PPM1E: variants seen among roughly 807,000 people sequenced by gnomAD.
PPM1E encodes the protein protein phosphatase, Mg2+/Mn2+ dependent 1E.
Under a neutral mutation model 65.9 loss-of-function variants are expected in PPM1E, and 20 were observed. That is an observed-to-expected ratio of 0.30 (90% CI 0.21 to 0.44). PPM1E has a LOEUF of 0.44. Ranked by LOEUF, PPM1E falls within the 20% of genes least tolerant of loss-of-function variation. The pLI, the probability that PPM1E is intolerant of heterozygous loss-of-function variation, is 1.00. For synonymous variants in PPM1E, 352 were observed against 374.9 expected (o/e 0.94, Z 0.70); for missense variants, 713 against 953.1 (o/e 0.75, Z 3.32).
At chr17:58,972,989 TC>T in intron 6 of PPM1E, 64 bp downstream of exon 6, 49 of 1,088,714 alleles carry the variant, frequency 4.5e-5, no homozygotes, top group Non-Finnish European at 6.3e-5. Context: ...CTGTATCAAC[TC>T]TGATACAGGG....
At chr17:58,777,479 A>G (rs1357734584) in intron 1 of PPM1E, among the ~76,000 whole-genome samples, 1 of 152,190 alleles carries the variant, frequency 6.6e-6, no homozygotes, top group East Asian at 1.9e-4. Flanking sequence ...ATCACTTTTT[A>G]TAAACAAAAT....
intron 1 of PPM1E, among the ~76,000 whole-genome samples, chr17:58,912,066 A>G (rs1265147513): frequency 6.6e-6 from 1 of 152,142 alleles, no homozygotes; most frequent in Non-Finnish European, 1.5e-5. Flanking sequence ...GAACTGTACA[A>G]TCTAAGCTGA....
chr17:58,966,418 T>TA (rs55779609), intron 3 of PPM1E: 3,308 of 122,104 alleles, frequency 0.027, 38 homozygotes, highest in African/African-American at 0.043. Flanking sequence ...AGCAGTTTTG[T>TA]AAAAAAAAAA....
chr17:58,800,870 C>T (rs1419145576), intron 1 of PPM1E, among the ~76,000 whole-genome samples: 1 of 152,032 alleles, frequency 6.6e-6, no homozygotes, highest in Non-Finnish European at 1.5e-5. Context: ...CTGATCTTTT[C>T]AAAGAACCAA....
intron 1 of PPM1E, among the ~76,000 whole-genome samples, chr17:58,889,636 A>G (rs1598631768): frequency 1.3e-5 from 2 of 152,154 alleles, no homozygotes; most frequent in East Asian, 3.9e-4. Flanking sequence ...TTTCTACTGC[A>G]GTTTTTACCA....
intron 1 of PPM1E, among the ~76,000 whole-genome samples, chr17:58,903,104 G>T (rs1189204342): frequency 6.6e-6 from 1 of 152,120 alleles, no homozygotes; most frequent in Non-Finnish European, 1.5e-5. Context: ...TAGGAGATGG[G>T]CCCACTTGTC....
chr17:58,781,708 G>A (rs1402604053), intron 1 of PPM1E, among the ~76,000 whole-genome samples: 18 of 151,322 alleles, frequency 1.2e-4, no homozygotes, highest in South Asian at 2.1e-4. Context: ...CCATACCAGC[G>A]AAACCCCGTC....
At chr17:58,960,779 A>G (rs1347811023) in intron 2 of PPM1E, among the ~76,000 whole-genome samples, 1 of 151,598 alleles carries the variant, frequency 6.6e-6, no homozygotes, top group Non-Finnish European at 1.5e-5. Context: ...AAAAAAAAAA[A>G]AAGAAAAATA....
chr17:58,888,212 A>C (rs2051300507), intron 1 of PPM1E, among the ~76,000 whole-genome samples: 1 of 152,204 alleles, frequency 6.6e-6, no homozygotes, highest in South Asian at 2.1e-4. Context: ...GGAAGATACA[A>C]ATTTAAGCAT....
intron 1 of PPM1E, among the ~76,000 whole-genome samples, chr17:58,912,082 G>T (rs1312868714): frequency 6.6e-6 from 1 of 152,152 alleles, no homozygotes; most frequent in Non-Finnish European, 1.5e-5. Context: ...GCTGACCCTG[G>T]TTGGCTAAGA....
intron 1 of PPM1E, among the ~76,000 whole-genome samples, chr17:58,947,485 C>T (rs2143621426): frequency 6.6e-6 from 1 of 151,538 alleles, no homozygotes; most frequent in South Asian, 2.1e-4. Context: ...GATCCACCCA[C>T]CTTGGCCTCC....
chr17:58,791,374 A>G (rs2050156675), intron 1 of PPM1E, among the ~76,000 whole-genome samples: 2 of 152,138 alleles, frequency 1.3e-5, no homozygotes, highest in South Asian at 4.1e-4. Flanking sequence ...GCAACATACA[A>G]TTGTTTAATA....
intron 1 of PPM1E, among the ~76,000 whole-genome samples, chr17:58,905,704 A>G (rs1247742818): frequency 1.3e-5 from 2 of 152,112 alleles, no homozygotes; most frequent in African/African-American, 4.8e-5. Flanking sequence ...TGGGCATTAA[A>G]GTAATGGTAG....
intron 1 of PPM1E, among the ~76,000 whole-genome samples, chr17:58,906,407 G>A (rs1347271510): frequency 6.6e-6 from 1 of 152,060 alleles, no homozygotes; most frequent in Non-Finnish European, 1.5e-5. Flanking sequence ...GGCACTGCCA[G>A]GGCTCACTGC....
chr17:58,877,434 A>G (rs543499341), intron 1 of PPM1E, among the ~76,000 whole-genome samples: 47 of 152,356 alleles, frequency 3.1e-4, no homozygotes, highest in Non-Finnish European at 5.7e-4. Flanking sequence ...ACATCTTTAC[A>G]AAGATTTATA....
intron 2 of PPM1E, among the ~76,000 whole-genome samples, chr17:58,959,292 A>G (rs2029952567): frequency 7.7e-6 from 1 of 129,646 alleles, no homozygotes; most frequent in Non-Finnish European, 1.6e-5. Context: ...CTGGGCAACA[A>G]GAGTGAGACT....
chr17:58,845,297 TG>T (rs1357896271), intron 1 of PPM1E, among the ~76,000 whole-genome samples: 10 of 150,732 alleles, frequency 6.6e-5, no homozygotes, highest in African/African-American at 2.2e-4. Flanking sequence ...GGGTCATGGT[TG>T]GTTTTTTTTT....
intron 1 of PPM1E, among the ~76,000 whole-genome samples, chr17:58,762,429 C>T (rs1024784430): frequency 3.3e-5 from 5 of 151,800 alleles, no homozygotes; most frequent in Non-Finnish European, 7.4e-5. Context: ...TGTCACTGCA[C>T]TCCAGCCTGG....
chr17:58,862,807 A>G (rs1490429526), intron 1 of PPM1E, among the ~76,000 whole-genome samples: 2 of 152,158 alleles, frequency 1.3e-5, no homozygotes, highest in African/African-American at 4.8e-5. Context: ...AGTTGACTGT[A>G]ATTTGGTTGG....
Sources: gnomAD v4.1 joint callset for allele counts (sites outside exome capture counted in the v4.1 genomes callset) on GRCh38, gnomAD v4.1.1 for gene constraint, MANE v1.5 for transcripts, NCBI Gene and HGNC (gene_info 2026-07-23, HGNC 2026-07-21) for gene names.